DLG1: variants seen among roughly 807,000 people sequenced by gnomAD.
DLG1 encodes discs large MAGUK scaffold protein 1.
Under a neutral mutation model 123.4 loss-of-function variants are expected in DLG1, and 42 were observed. The observed-to-expected ratio is 0.34, with a 90% CI of 0.27 to 0.44. The LOEUF (loss-of-function observed/expected upper bound fraction) is 0.44, where lower values mean the gene tolerates loss of function less well. Ranked by LOEUF, DLG1 falls within the 20% of genes least tolerant of loss-of-function variation. DLG1 has a pLI of 1.00. For missense variants in DLG1, 942 were observed against 1,082.6 expected (o/e 0.87, Z 1.82); for synonymous variants, 317 against 356.2 (o/e 0.89, Z 1.24).
chr3:197,149,849 C>A, intron 5 of DLG1, 53 bp from the exon 6 acceptor site: 1 of 1,078,332 alleles, frequency 9.3e-7, no homozygotes, highest in African/African-American at 1.6e-5. Flanking sequence ...ATTACATGTT[C>A]ATGTTCACAA....
chr3:197,124,699 G>A (rs1778145970), intron 11 of DLG1, among the ~76,000 whole-genome samples: 2 of 152,020 alleles, frequency 1.3e-5, no homozygotes, highest in South Asian at 4.2e-4. Context: ...GCCTCAGCCT[G>A]CCAAATAATT....
chr3:197,089,336 G>T (rs1756324555), intron 15 of DLG1, among the ~76,000 whole-genome samples: 1 of 152,134 alleles, frequency 6.6e-6, no homozygotes, highest in African/African-American at 2.4e-5. Flanking sequence ...AGACCAGCCT[G>T]GCAAACATGG....
At chr3:197,297,795 G>A (rs1329540775) in intron 1 of DLG1, 2 of 985,358 alleles carry the variant, frequency 2.0e-6, no homozygotes, top group Non-Finnish European at 2.4e-6. Flanking sequence ...CTGCGGCGCC[G>A]CCACAAAGTT....
intron 5 of DLG1, among the ~76,000 whole-genome samples, chr3:197,167,685 AAAC>A (rs1180233158): frequency 6.6e-6 from 1 of 152,368 alleles, no homozygotes; most frequent in African/African-American, 2.4e-5. Flanking sequence ...TCTAGTTTAA[AAAC>A]AACTTTACTG....
At chr3:197,179,211 G>A (rs898137072) in intron 5 of DLG1, among the ~76,000 whole-genome samples, 1 of 152,142 alleles carries the variant, frequency 6.6e-6, no homozygotes. Context: ...AGGCTAAAAG[G>A]GATTTAGGAT....
chr3:197,070,993 C>T (rs1743531133), intron 18 of DLG1: 1 of 152,016 alleles, frequency 6.6e-6, no homozygotes, highest in African/African-American at 2.4e-5. Flanking sequence ...TTATTTACCT[C>T]GCTATTTATT....
intron 5 of DLG1, among the ~76,000 whole-genome samples, chr3:197,192,650 C>T (rs991487340): frequency 1.3e-5 from 2 of 152,008 alleles, no homozygotes; most frequent in African/African-American, 4.8e-5. Context: ...TGATATTCAG[C>T]TATCCTACAT....
intron 7 of DLG1, among the ~76,000 whole-genome samples, chr3:197,141,809 G>A (rs941255084): frequency 6.6e-5 from 10 of 152,090 alleles, no homozygotes; most frequent in African/African-American, 2.4e-4. Flanking sequence ...CTGACTCCTG[G>A]GTTCAAGTGA....
chr3:197,120,698 A>T (rs1027897453), intron 11 of DLG1, among the ~76,000 whole-genome samples: 2 of 152,244 alleles, frequency 1.3e-5, no homozygotes, highest in African/African-American at 2.4e-5. Flanking sequence ...GATAGGTAAC[A>T]TAAAGGAATA....
At chr3:197,091,145 T>C (rs1211448331) in intron 14 of DLG1, 119 bp from the exon 15 acceptor site, 3 of 587,032 alleles carry the variant, frequency 5.1e-6, no homozygotes, top group African/African-American at 3.7e-5. Flanking sequence ...AACCTTAAAA[T>C]AGTAATATGC....
At position 197,154,541 on chromosome 3, in the gene DLG1, G is replaced by A. The variant is rs982554949; in HGVS notation, c.484-4745C>T. ...CTACAAAAAATTAGCCGGGCGTGGC[G>A]GCAGGTGCCTGTAGTCCCAGCTACT... On this transcript the variant is annotated intron_variant, in intron 5 of 24. Transcript: ENST00000667157. 6.6e-5 allele frequency among the ~76,000 whole-genome samples: 10 copies of A among 151,966 alleles called. No homozygotes were observed. In the East Asian group the frequency reaches 1.4e-3, roughly 21 times the overall value.
intron 24 of DLG1, among the ~76,000 whole-genome samples, chr3:197,046,417 A>G (rs1419077998): frequency 6.6e-6 from 1 of 152,260 alleles, no homozygotes; most frequent in Non-Finnish European, 1.5e-5. Context: ...TAAAATTAGC[A>G]TCATAAGTAA....
intron 4 of DLG1, among the ~76,000 whole-genome samples, chr3:197,263,936 A>G (rs982927316): frequency 6.6e-6 from 1 of 152,254 alleles, no homozygotes; most frequent in Non-Finnish European, 1.5e-5. Flanking sequence ...CAAAATTGAA[A>G]ACAGCCTGAA....
chr3:197,198,153 AAT>A (rs1554009804), intron 4 of DLG1, among the ~76,000 whole-genome samples: 5 of 151,680 alleles, frequency 3.3e-5, no homozygotes, highest in African/African-American at 1.2e-4. Context: ...CAAACAAAAA[AAT>A]ACTTTTGTTC....
chr3:197,230,752 T>TA (rs1370156076), intron 4 of DLG1, among the ~76,000 whole-genome samples: 15 of 152,330 alleles, frequency 9.8e-5, no homozygotes, highest in South Asian at 6.2e-4. Flanking sequence ...TGTAAACAAT[T>TA]GTAATTCCTA....
chr3:197,232,583 A>C (rs1743779561), intron 4 of DLG1, among the ~76,000 whole-genome samples: 1 of 152,120 alleles, frequency 6.6e-6, no homozygotes, highest in Non-Finnish European at 1.5e-5. Flanking sequence ...TACTAGATCC[A>C]AATCTTGAAC....
chr3:197,265,751 A>C (rs1761410743), intron 4 of DLG1, among the ~76,000 whole-genome samples: 2 of 152,282 alleles, frequency 1.3e-5, no homozygotes, highest in South Asian at 4.1e-4. Context: ...GCTCAGTCCC[A>C]CTGAAAAAGC....
intron 4 of DLG1, among the ~76,000 whole-genome samples, chr3:197,231,697 T>TAA (rs11370331): frequency 0.17 from 22,088 of 126,518 alleles, 1,917 homozygotes; most frequent in South Asian, 0.42. Context: ...CAGACCCTGT[T>TAA]AAAAAAAAAA....
chr3:197,270,049 C>T (rs1023499130), intron 4 of DLG1, among the ~76,000 whole-genome samples: 1 of 152,170 alleles, frequency 6.6e-6, no homozygotes, highest in Non-Finnish European at 1.5e-5. Context: ...AATGTGTCAC[C>T]TGCCTGTCCA....
Sources: allele counts gnomAD v4.1 joint callset (sites outside exome capture counted in the v4.1 genomes callset), GRCh38; gene constraint gnomAD v4.1.1; transcripts MANE v1.5; gene names NCBI Gene and HGNC (gene_info 2026-07-23, HGNC 2026-07-21).